PRKD1: variants seen among roughly 807,000 people sequenced by gnomAD.
The protein encoded by PRKD1 is serine/threonine-protein kinase D1.
In PRKD1, 63 loss-of-function variants were observed where a neutral mutation model predicts 95.9. That is an observed-to-expected ratio of 0.66 (90% CI 0.54 to 0.81). PRKD1 has a LOEUF of 0.81. PRKD1 is among the 30% of genes least tolerant of loss of function. The pLI is 0.00. For missense variants in PRKD1, 1,048 were observed against 1,165.3 expected (o/e 0.90, Z 1.47); for synonymous variants, 425 against 423.1 (o/e 1.00, Z -0.05).
At chr14:29,870,399 A>G (rs764600242) in intron 1 of PRKD1, among the ~76,000 whole-genome samples, 1 of 152,212 alleles carries the variant, frequency 6.6e-6, no homozygotes, top group Non-Finnish European at 1.5e-5. Context: ...TAGAAAAAAA[A>G]AGGCAGAATT....
At chr14:29,675,570 G>A (rs918345095) in intron 2 of PRKD1, among the ~76,000 whole-genome samples, 3 of 152,156 alleles carry the variant, frequency 2.0e-5, no homozygotes, top group Non-Finnish European at 4.4e-5. Context: ...AGACAGTGTG[G>A]CGATTCTTCA....
intron 1 of PRKD1, among the ~76,000 whole-genome samples, chr14:29,751,335 A>G (rs186213354): frequency 2.7e-3 from 411 of 152,318 alleles, no homozygotes; most frequent in Admixed American, 8.5e-3. Context: ...CTGATGAGAC[A>G]TAAGGGGCAG....
At chr14:29,826,589 GA>G (rs1208120508) in intron 1 of PRKD1, among the ~76,000 whole-genome samples, 4 of 119,682 alleles carry the variant, frequency 3.3e-5, no homozygotes, top group African/African-American at 6.2e-5. Context: ...TATATATGAT[GA>G]AAATATATAT....
chr14:29,823,235 T>C (rs1023934568), intron 1 of PRKD1, among the ~76,000 whole-genome samples: 6 of 152,226 alleles, frequency 3.9e-5, no homozygotes, highest in African/African-American at 9.6e-5. Flanking sequence ...ATAATTTTCA[T>C]ATTATGCGAA....
Position 29,638,713 on chromosome 14 carries a change from C to T in PRKD1, c.888G>A (p.Arg296=). ...YCKKLLKGLF[R]QGLQCKDCRF... ...CCTTACCTTTGCACTGCAAGCCCTG[C>T]CTGAAAAGCCCCTTCAGAAGCTTCT... The change falls in exon 5 of 18, where the codon AGG becomes AGA. Residue 296 remains arginine, a synonymous_variant. Transcript: ENST00000331968. 1 of 1,614,126 alleles carries T rather than the reference C, an allele frequency of 6.2e-7. No individual in the cohort carries two copies. Among genetic ancestry groups the T allele is most frequent in the Non-Finnish European group, 8.5e-7 (1 of 1,180,018 alleles).
chr14:29,685,627 C>T lies in PRKD1; in HGVS notation c.404-19419G>A, dbSNP rs568291187. 3.5e-4 allele frequency among the ~76,000 whole-genome samples: 53 copies of T among 152,232 alleles called. No homozygotes were observed. In the South Asian group the frequency reaches 7.2e-3, roughly 21 times the overall value. On this transcript the variant is annotated intron_variant, in intron 2 of 17. Transcript: ENST00000331968. ...AACATATTTTCCAGTAAAGGTGATA[C>T]ATTTTTGGAGGCAAATAGTATTCTT...
intron 1 of PRKD1, among the ~76,000 whole-genome samples, chr14:29,868,946 A>G (rs1893007992): frequency 6.6e-6 from 1 of 152,198 alleles, no homozygotes; most frequent in African/African-American, 2.4e-5. Context: ...GCTCATAGCT[A>G]TCAGAAATAA....
chr14:29,909,867 G>A (rs575201335), intron 1 of PRKD1, among the ~76,000 whole-genome samples: 2 of 152,262 alleles, frequency 1.3e-5, no homozygotes, highest in Non-Finnish European at 2.9e-5. Context: ...AGTGCTCTGT[G>A]TCTAGCTAAT....
At chr14:29,622,086 G>C (rs911741160) in intron 13 of PRKD1, among the ~76,000 whole-genome samples, 1 of 152,196 alleles carries the variant, frequency 6.6e-6, no homozygotes, top group Non-Finnish European at 1.5e-5. Flanking sequence ...GGAGCATGGA[G>C]GGGGCGGGCA....
chr14:29,771,069 G>C (rs1424185102), intron 1 of PRKD1, among the ~76,000 whole-genome samples: 2 of 151,898 alleles, frequency 1.3e-5, no homozygotes, highest in Non-Finnish European at 2.9e-5. Context: ...ACTATTCAAA[G>C]ACAAAATTTA....
At chr14:29,619,400 C>T (rs1409424955) in intron 13 of PRKD1, among the ~76,000 whole-genome samples, 1 of 152,108 alleles carries the variant, frequency 6.6e-6, no homozygotes, top group Non-Finnish European at 1.5e-5. Flanking sequence ...GATGGTGTTT[C>T]TGTACAACTT....
At chr14:29,738,176 G>C (rs45452793) in intron 1 of PRKD1, among the ~76,000 whole-genome samples, 2,489 of 152,232 alleles carry the variant, frequency 0.016, 72 homozygotes, top group African/African-American at 0.053. Context: ...TTTATTTAGT[G>C]ATTTTATATC....
intron 12 of PRKD1, 28 bp from the exon 13 acceptor site, chr14:29,624,286 T>A: frequency 6.6e-7 from 1 of 1,507,864 alleles, no homozygotes; most frequent in Non-Finnish European, 9.1e-7. Context: ...GAAGCATTAG[T>A]AAGTTATTAA....
At chr14:29,663,989 T>G in intron 3 of PRKD1, 130 bp from the exon 4 acceptor site, 1 of 992,704 alleles carries the variant, frequency 1.0e-6, no homozygotes, top group Non-Finnish European at 1.4e-6. Context: ...GAAATTCACA[T>G]TTTCTTTTGA....
At chr14:29,816,090 T>G (rs985379601) in intron 1 of PRKD1, among the ~76,000 whole-genome samples, 1 of 152,126 alleles carries the variant, frequency 6.6e-6, no homozygotes, top group African/African-American at 2.4e-5. Context: ...TCGTGGCACA[T>G]GCCTGTAATC....
intron 2 of PRKD1, among the ~76,000 whole-genome samples, chr14:29,717,794 G>A (rs1415250700): frequency 1.3e-5 from 2 of 152,116 alleles, no homozygotes; most frequent in Non-Finnish European, 2.9e-5. Context: ...TGAAATAAGA[G>A]GCTTCAAGAC....
intron 2 of PRKD1, among the ~76,000 whole-genome samples, chr14:29,723,361 A>G (rs958810110): frequency 9.9e-5 from 15 of 152,160 alleles, no homozygotes; most frequent in Admixed American, 6.5e-4. Context: ...AGCCTCTTGG[A>G]AATGGGGCAT....
At chr14:29,853,492 A>G (rs1892381941) in intron 1 of PRKD1, among the ~76,000 whole-genome samples, 1 of 152,250 alleles carries the variant, frequency 6.6e-6, no homozygotes, top group Non-Finnish European at 1.5e-5. Flanking sequence ...TAGGAAACCA[A>G]GGCCCACAAA....
intron 2 of PRKD1, among the ~76,000 whole-genome samples, chr14:29,712,288 C>T (rs1467758411): frequency 1.3e-5 from 2 of 152,032 alleles, no homozygotes; most frequent in Non-Finnish European, 2.9e-5. Context: ...GACTAACTAA[C>T]TGCTTGCCTC....
Sources: allele counts gnomAD v4.1 joint callset (sites outside exome capture counted in the v4.1 genomes callset), GRCh38; gene constraint gnomAD v4.1.1; transcripts MANE v1.5; gene names NCBI Gene and HGNC (gene_info 2026-07-23, HGNC 2026-07-21).